Variants in SDHA observed in about 807,000 individuals in gnomAD.
SDHA encodes the protein succinate dehydrogenase complex flavoprotein subunit A.
Under a neutral mutation model 78.4 loss-of-function variants are expected in SDHA, and 48 were observed. The observed-to-expected ratio is 0.61, with a 90% CI of 0.49 to 0.78. The LOEUF is 0.78. Among genes scored for constraint, SDHA ranks in the 30% least tolerant of loss-of-function variants. SDHA has a pLI of 0.00. For missense variants in SDHA, 680 were observed against 892.7 expected (o/e 0.76, Z 3.04); for synonymous variants, 326 against 353.9 (o/e 0.92, Z 0.88).
intron 11 of SDHA, among the ~76,000 whole-genome samples, chr5:244,114 C>T (rs1736300960): frequency 6.6e-6 from 1 of 152,060 alleles, no homozygotes; most frequent in African/African-American, 2.4e-5. Context: ...CGTCCTGGGT[C>T]CCGTTCCAAA....
chr5:240,234 A>G, intron 10 of SDHA, 124 bp from the exon 11 acceptor site: 2 of 693,778 alleles, frequency 2.9e-6, no homozygotes, highest in Non-Finnish European at 2.7e-6. Context: ...GTGTTAGCTC[A>G]GGAGACTTAC....
In SDHA at chr5:233,621, T is replaced by C. The variant is rs1553999054; in HGVS notation, c.1040T>C (p.Met347Thr). The stretch of plus-strand genomic sequence containing the variant: ...TCTAGAGATGTGGTGTCTCGGTCCA[T>C]GACTCTGGAGATCCGAGAAGGAAGG... ...LASRDVVSRS[M>T]TLEIREGRGC... Residue 347 changes from methionine to threonine, a missense_variant, in exon 8 of 15, where the codon ATG becomes ACG. Met to Thr is a moderately conservative substitution (Grantham distance 81). Coordinates refer to ENST00000264932, the MANE Select transcript of SDHA (RefSeq NM_004168.4). The C allele has an allele frequency of 2.5e-6, 4 of 1,614,074 alleles. No homozygotes were observed. The highest frequency in any genetic ancestry group is 3.4e-6 in the Non-Finnish European group (4 of 1,179,946).
At chr5:223,223 C>T (rs544971519) in intron 1 of SDHA, among the ~76,000 whole-genome samples, 23 of 152,324 alleles carry the variant, frequency 1.5e-4, no homozygotes, top group Admixed American at 7.8e-4. Flanking sequence ...CAGTGAGTAT[C>T]CTGTTTGGAA....
At chr5:245,011 A>G (rs1199745319) in intron 11 of SDHA, among the ~76,000 whole-genome samples, 1 of 152,248 alleles carries the variant, frequency 6.6e-6, no homozygotes, top group Non-Finnish European at 1.5e-5. Context: ...GATGGCGGCC[A>G]TTGTTAAGCT....
At chr5:265,835 A>G in the SDHA span, among the ~76,000 whole-genome samples, 1 of 139,340 alleles carries the variant, frequency 7.2e-6, no homozygotes, top group Non-Finnish European at 1.5e-5. Flanking sequence ...AAAAAAAAAG[A>G]GTTGTCAAAT....
At position 226,066 on chromosome 5, in the gene SDHA, A is replaced by T. The variant is rs772849135; in HGVS notation, c.621+19A>T. Reference sequence around the variant, plus strand: ...TGGAAGGGTAAGGCCGCCCCCGTCCACCTGAGACAGGACACGTAGTGCTGG... The same window carrying T: ...TGGAAGGGTAAGGCCGCCCCCGTCCTCCTGAGACAGGACACGTAGTGCTGG... On this transcript the variant is annotated intron_variant, in intron 5 of 14. Coordinates refer to ENST00000264932, the MANE Select transcript of SDHA (RefSeq NM_004168.4). 6.2e-7 allele frequency: 1 copy of T among 1,614,012 alleles called. No homozygotes were observed. The highest frequency in any genetic ancestry group is 8.5e-7 in the Non-Finnish European group (1 of 1,179,944).
chr5:223,539 A>T lies in SDHA; in HGVS notation c.121A>T (p.Lys41Ter). 6.2e-7 allele frequency: 1 copy of T among 1,613,764 alleles called. No individual in the cohort carries two copies. The highest frequency in any genetic ancestry group is 8.5e-7 in the Non-Finnish European group (1 of 1,179,652). ...TTTTCACTTCACTGTTGATGGGAACAAGAGGGCATCTGCTAAAGTTTCAGA... is the reference window on the plus strand; with the variant it reads ...TTTTCACTTCACTGTTGATGGGAACTAGAGGGCATCTGCTAAAGTTTCAGA... Reference protein sequence around the residue: ...RGFHFTVDGNKRASAKVSDSI... With the variant: ...RGFHFTVDGN The change falls in exon 2 of 15, where the codon AAG becomes TAG. Residue 41 changes from lysine (K) to a stop codon, truncating the protein, a stop_gained. Coordinates refer to ENST00000264932, the MANE Select transcript of SDHA (RefSeq NM_004168.4). LOFTEE classifies it high-confidence loss of function.
chr5:262,944 T>G, the SDHA span, among the ~76,000 whole-genome samples: 224 of 152,306 alleles, frequency 1.5e-3, 1 homozygote, highest in African/African-American at 5.3e-3. Context: ...AATTTTTTGT[T>G]TTTTTTCTTG....
chr5:220,032 G>A (rs577504334), intron 1 of SDHA, among the ~76,000 whole-genome samples: 8 of 152,258 alleles, frequency 5.3e-5, no homozygotes, highest in African/African-American at 1.7e-4. Context: ...CAAAAAATTA[G>A]CAGAAAAAAG....
the SDHA span, among the ~76,000 whole-genome samples, chr5:267,104 C>T: frequency 3.3e-5 from 5 of 152,216 alleles, no homozygotes; most frequent in African/African-American, 1.2e-4. Flanking sequence ...TTGTCCACTA[C>T]TCAGTGAAAA....
At position 230,967 on chromosome 5, in the gene SDHA, C is replaced by G. The variant is rs2126568596; in HGVS notation, c.862C>G (p.Gln288Glu). The stretch of plus-strand genomic sequence containing the variant: ...GATCACCAGGGCAGGCCTTCCTTGC[C>G]AGGACCTAGAGTTTGTTCAGTTCCA... ...AMITRAGLPC[Q>E]DLEFVQFHPT... is the part of the protein sequence containing the mutation. Residue 288 changes from glutamine to glutamate, a missense_variant, in exon 7 of 15, where the codon CAG becomes GAG. By Grantham distance (29) the Gln-to-Glu change is conservative. Transcript: ENST00000264932. 1.2e-6 allele frequency: 2 copies of G among 1,613,980 alleles called. No individual in the cohort carries two copies. The highest frequency in any genetic ancestry group is 1.7e-6 in the Non-Finnish European group (2 of 1,179,864).
At chr5:234,040 G>T in intron 8 of SDHA, 1 of 278,404 alleles carries the variant, frequency 3.6e-6, no homozygotes, top group East Asian at 9.0e-5. Flanking sequence ...CTCTTTCATT[G>T]CCTGACCCTG....
rs2126602614 is a variant in SDHA at position 240,390 on chromosome 5, G to A, written c.1465G>A (p.Gly489Arg). 1.2e-6 allele frequency: 2 copies of A among 1,609,228 alleles called. No individual in the cohort carries two copies. Among genetic ancestry groups the A allele is most frequent in the South Asian group, 1.1e-5 (1 of 90,930 alleles). The change falls in exon 11 of 15, where the codon GGG becomes AGG. Residue 489 changes from glycine to arginine, a missense_variant. Coordinates refer to ENST00000264932, the MANE Select transcript of SDHA (RefSeq NM_004168.4). The stretch of plus-strand genomic sequence containing the variant: ...AGTCCCTCCAATTAAACCAAACGCT[G>A]GGGAAGAATCTGTCATGAATCTTGA... ...DKVPPIKPNA[G>R]EESVMNLDKL...
At chr5:219,560 A>G (rs1424317931) in intron 1 of SDHA, among the ~76,000 whole-genome samples, 2 of 152,218 alleles carry the variant, frequency 1.3e-5, no homozygotes, top group African/African-American at 4.8e-5. Context: ...AGGATTAGTC[A>G]TACAGCCATC....
At chr5:220,197 C>CGATAA (rs780450474) in intron 1 of SDHA, 67 of 387,820 alleles carry the variant, frequency 1.7e-4, no homozygotes, top group Non-Finnish European at 3.4e-4. Flanking sequence ...AAGTGACGAA[C>CGATAA]TTATCAGACT....
chr5:225,791 G>A, intron 4 of SDHA, 92 bp from the exon 5 acceptor site: 1 of 1,539,476 alleles, frequency 6.5e-7, no homozygotes, highest in South Asian at 1.1e-5. Flanking sequence ...TGGGTTTGCA[G>A]ATTTGTGTTA....
chr5:243,821 C>A (rs1241119986), intron 11 of SDHA, among the ~76,000 whole-genome samples: 3 of 152,084 alleles, frequency 2.0e-5, no homozygotes, highest in Non-Finnish European at 2.9e-5. Flanking sequence ...ATCAGAGGTA[C>A]TCTGCATAAA....
At chr5:264,494 G>T in the SDHA span, among the ~76,000 whole-genome samples, 1 of 151,172 alleles carries the variant, frequency 6.6e-6, no homozygotes, top group Non-Finnish European at 1.5e-5. Context: ...ACCAGCCCAC[G>T]CTCCACAGGG....
At chr5:241,954 G>C (rs1322748115) in intron 11 of SDHA, among the ~76,000 whole-genome samples, 1 of 152,236 alleles carries the variant, frequency 6.6e-6, no homozygotes, top group Non-Finnish European at 1.5e-5. Flanking sequence ...ATGGGAACAT[G>C]CCTTCGGATA....
Sources: gnomAD v4.1 joint callset for allele counts (sites outside exome capture counted in the v4.1 genomes callset) on GRCh38, gnomAD v4.1.1 for gene constraint, MANE v1.5 for transcripts, NCBI Gene and HGNC (gene_info 2026-07-23, HGNC 2026-07-21) for gene names.